MCM3AP: variants seen among roughly 807,000 people sequenced by gnomAD.
The protein encoded by MCM3AP is germinal-center associated nuclear protein.
In MCM3AP, 126 loss-of-function variants were observed where a neutral mutation model predicts 184.1. The ratio of observed to expected loss-of-function variants is 0.68; its 90% CI spans 0.59 to 0.79. MCM3AP has a LOEUF of 0.79. MCM3AP is among the 30% of genes least tolerant of loss of function. The pLI is 0.00. For missense variants in MCM3AP, 2,496 were observed against 2,479.2 expected (o/e 1.01, Z -0.14); for synonymous variants, 1,002 against 979.3 (o/e 1.02, Z -0.43).
chr21:46,284,330 A>G lies in MCM3AP; in HGVS notation c.957T>C (p.Asp319=). 1 of 1,614,174 alleles carries G rather than the reference A, an allele frequency of 6.2e-7. No homozygotes were observed. The highest frequency in any genetic ancestry group is 8.5e-7 in the Non-Finnish European group (1 of 1,180,026). ...GGACAGGTCGTTTGTCTGGAGGATG[A>G]TCGCCCCGGGACAGAGGATCCGAAT... ...AEDSDPLSRG[D]HPPDKRPVRL... is the part of the protein sequence containing the mutation. Residue 319 remains aspartate (D), a synonymous_variant, in exon 1 of 28, where the codon GAT becomes GAC. Transcript: ENST00000291688.
intron 8 of MCM3AP, among the ~76,000 whole-genome samples, chr21:46,272,116 T>C (rs1451073587): frequency 6.6e-6 from 1 of 152,044 alleles, no homozygotes; most frequent in Non-Finnish European, 1.5e-5. Flanking sequence ...TTTACATTCA[T>C]TCATTCTCAC....
Position 46,285,046 on chromosome 21 carries a change from C to A in MCM3AP, c.241G>T (p.Val81Phe), listed in dbSNP as rs753318846. The A allele has an allele frequency of 1.2e-6, 2 of 1,614,190 alleles. No homozygotes were observed. The highest frequency in any genetic ancestry group is 1.7e-6 in the Non-Finnish European group (2 of 1,180,038). The change falls in exon 1 of 28, where the codon GTT (valine) becomes TTT (phenylalanine). Residue 81 changes from valine to phenylalanine, a missense_variant. By Grantham distance (50) the Val-to-Phe change is conservative. Around this residue, in one of 5 missense-constraint regions of MCM3AP, gnomAD observed 800 missense variants for 717.1 expected, o/e 1.12. Coordinates refer to ENST00000291688, the MANE Select transcript of MCM3AP (RefSeq NM_003906.5). ...TGCTCAAGTCCAGAAAAGGGTCCAACACTTGAGGTTTGGGTGAACCCTAAT... is the reference window on the plus strand; with the variant it reads ...TGCTCAAGTCCAGAAAAGGGTCCAAAACTTGAGGTTTGGGTGAACCCTAAT... ...QTLGFTQTSS[V>F]GPFSGLEHTS... is the part of the protein sequence containing the mutation.
chr21:46,282,808 AAAAT>A (rs775007759), intron 2 of MCM3AP, among the ~76,000 whole-genome samples: 5 of 152,118 alleles, frequency 3.3e-5, no homozygotes, highest in East Asian at 3.9e-4. Flanking sequence ...CCATCTCAAA[AAAAT>A]AAATAAATAA....
intron 15 of MCM3AP, among the ~76,000 whole-genome samples, chr21:46,260,252 TAAAC>T (rs2081025017): frequency 6.6e-6 from 1 of 152,168 alleles, no homozygotes; most frequent in Non-Finnish European, 1.5e-5. Context: ...AGTTAAGAAA[TAAAC>T]CTTTATCTTA....
chr21:46,270,587 G>A (rs1302049560), intron 8 of MCM3AP, 24 bp from the exon 9 acceptor site: 13 of 1,553,192 alleles, frequency 8.4e-6, no homozygotes, highest in East Asian at 2.3e-5. Context: ...GAGAGAAAAG[G>A]GGTTGGAATG....
intron 6 of MCM3AP, among the ~76,000 whole-genome samples, chr21:46,273,830 A>G (rs574018631): frequency 6.6e-6 from 1 of 152,304 alleles, no homozygotes; most frequent in South Asian, 2.1e-4. Flanking sequence ...AAACAGGAGG[A>G]ATGTTAAGTG....
At chr21:46,253,794 T>C (rs2080908326) in intron 19 of MCM3AP, 2 of 155,616 alleles carry the variant, frequency 1.3e-5, no homozygotes, top group South Asian at 4.0e-4. Flanking sequence ...TGGTTAAGTG[T>C]GTGGAAACTC....
intron 12 of MCM3AP, among the ~76,000 whole-genome samples, chr21:46,264,587 C>T (rs1222781827): frequency 6.6e-6 from 1 of 152,188 alleles, no homozygotes; most frequent in Non-Finnish European, 1.5e-5. Context: ...ACCATGGAGT[C>T]GACAGGCTCT....
intron 17 of MCM3AP, among the ~76,000 whole-genome samples, chr21:46,255,888 A>AT (rs1479972379): frequency 6.6e-6 from 1 of 152,244 alleles, no homozygotes; most frequent in South Asian, 2.1e-4. Flanking sequence ...CCAGGTCACT[A>AT]TGTGAAGGCA....
At chr21:46,254,245 A>C in intron 19 of MCM3AP, 147 bp downstream of exon 19, 1 of 830,160 alleles carries the variant, frequency 1.2e-6, no homozygotes, top group Non-Finnish European at 1.9e-6. Flanking sequence ...AATCATGAGC[A>C]AAACAGACTG....
At chr21:46,281,463 G>A (rs774531089) in intron 2 of MCM3AP, among the ~76,000 whole-genome samples, 3 of 152,182 alleles carry the variant, frequency 2.0e-5, no homozygotes, top group Non-Finnish European at 2.9e-5. Flanking sequence ...TATTAGTTAT[G>A]TCATAAAATA....
chr21:46,272,070 C>T (rs975937827), intron 8 of MCM3AP, among the ~76,000 whole-genome samples: 1 of 151,942 alleles, frequency 6.6e-6, no homozygotes, highest in Non-Finnish European at 1.5e-5. Context: ...CGCCAGACTT[C>T]GCATGTAAGT....
intron 15 of MCM3AP, among the ~76,000 whole-genome samples, chr21:46,260,375 T>G (rs1417767789): frequency 5.3e-5 from 8 of 152,230 alleles, no homozygotes; most frequent in Non-Finnish European, 1.2e-4. Flanking sequence ...TACCTGGAAC[T>G]TCTGAGCTTA....
At chr21:46,248,364 T>A (rs2080811124) in intron 20 of MCM3AP, among the ~76,000 whole-genome samples, 2 of 151,966 alleles carry the variant, frequency 1.3e-5, no homozygotes, top group Admixed American at 1.3e-4. Context: ...TACCAGCAGC[T>A]CCCCAGAAAG....
rs564006572 is a variant in MCM3AP, at chr21:46,242,991, A to C, written c.5297-60T>G. 65 of 1,423,892 alleles carry C rather than the reference A, an allele frequency of 4.6e-5. No individual in the cohort carries two copies. The highest frequency in any genetic ancestry group is 2.6e-4 in the East Asian group (11 of 42,514). The allele number at this position is 1,423,892 out of a possible 1,614,324, so 88.2% of individuals were successfully genotyped here. A position where few individuals can be genotyped will look rare whatever the true frequency, so the allele number is the denominator to read the frequency against. ...AGCCTGGCCAACCCTGTCTCAAAAA[A>C]AAAAAAAACACACACAAAAAAACAA... On this transcript the variant is annotated intron_variant, in intron 24 of 27. Coordinates refer to ENST00000291688, the MANE Select transcript of MCM3AP (RefSeq NM_003906.5).
Position 46,251,548 on chromosome 21 carries a change from GA to G in MCM3AP, c.4270del (p.Ser1424LeufsTer6). 6.2e-7 allele frequency: 1 copy of G among 1,610,644 alleles called. No homozygotes were observed. The highest frequency in any genetic ancestry group is 1.3e-5 in the African/African-American group (1 of 74,990). On this transcript the variant is annotated frameshift_variant, in exon 20 of 28. Transcript: ENST00000291688. LOFTEE classifies it high-confidence loss of function. ...SLSSKGDQMI[S>X]VNVCIKVAHG... ...GTTCACCTTTATACACACGTTAACA[GA>G]AATCATCTGATCCCCTTTGCTGCTA...
rs554381028 is a variant in MCM3AP at position 46,237,309 on chromosome 21, C to T, written c.5634-330G>A. On this transcript the variant is annotated intron_variant, in intron 26 of 27. Transcript: ENST00000291688. Reference sequence around the variant, plus strand: ...GTAGAGATGGGGTTTCACCATATTGCCCAAGCTGGTCTTGAACTCCTGACC... The same window carrying T: ...GTAGAGATGGGGTTTCACCATATTGTCCAAGCTGGTCTTGAACTCCTGACC... 3.3e-5 allele frequency among the ~76,000 whole-genome samples: 5 copies of T among 152,058 alleles called. No homozygotes were observed. In the South Asian group the frequency reaches 1.0e-3, roughly 32 times the overall value.
chr21:46,272,608 G>C lies in MCM3AP; in HGVS notation c.2418C>G (p.Phe806Leu), dbSNP rs1331898075. The C allele has an allele frequency of 2.5e-6, 4 of 1,614,162 alleles. No homozygotes were observed. The highest frequency in any genetic ancestry group is 1.7e-6 in the Non-Finnish European group (2 of 1,180,012). Reference protein sequence around the residue: ...KGVFCASEAEFQGYNVLLSLN... With the variant: ...KGVFCASEAELQGYNVLLSLN... Reference sequence around the variant, plus strand: ...GACTGAGCAGAACATTGTAGCCCTGGAACTCCGCTTCGCTGGCACAGAAGA... The same window carrying C: ...GACTGAGCAGAACATTGTAGCCCTGCAACTCCGCTTCGCTGGCACAGAAGA... Residue 806 changes from phenylalanine to leucine, a missense_variant, in exon 8 of 28, where the codon TTC (phenylalanine) becomes TTG (leucine). Physicochemically the swap from Phe to Leu is conservative, Grantham distance 22. Transcript: ENST00000291688.
intron 17 of MCM3AP, chr21:46,256,497 C>T (rs1282304929): frequency 6.8e-6 from 3 of 439,984 alleles, no homozygotes; most frequent in South Asian, 3.2e-5. Flanking sequence ...TAAACTGGGA[C>T]GAGCAGGAAA....
Sources: allele counts gnomAD v4.1 joint callset (sites outside exome capture counted in the v4.1 genomes callset), GRCh38; gene constraint gnomAD v4.1.1; regional missense constraint gnomAD v4.1.1; transcripts MANE v1.5; gene names NCBI Gene and HGNC (gene_info 2026-07-23, HGNC 2026-07-21).